The following FHIT variants were observed in gnomAD, a reference collection of about 807,000 sequenced individuals.
FHIT encodes fragile histidine triad diadenosine triphosphatase, also known as bis(5'-adenosyl)-triphosphatase.
In FHIT, 19 loss-of-function variants were observed where a neutral mutation model predicts 17.9. The ratio of observed to expected loss-of-function variants is 1.06; its 90% CI spans 0.74 to 1.56. FHIT has a LOEUF of 1.56. FHIT is among the 40% of genes most tolerant of loss of function. The probability of loss-of-function intolerance (pLI) is 0.00; values close to 1 mark genes in which losing one functional copy is unlikely to be tolerated. For synonymous variants in FHIT, 81 were observed against 69.7 expected, an observed-to-expected ratio of 1.16 and a Z score of -0.81; for missense variants, 248 against 189.2, an observed-to-expected ratio of 1.31 and a Z score of -1.82.
At chr3:61,112,707 C>T (rs893741843) in intron 2 of FHIT, among the ~76,000 whole-genome samples, 8 of 152,078 alleles carry the variant, frequency 5.3e-5, no homozygotes, top group Admixed American at 2.0e-4. Context: ...CTATGCATAG[C>T]GCTTTATATT....
At chr3:61,055,932 G>A (rs1428698710) in intron 2 of FHIT, among the ~76,000 whole-genome samples, 2 of 152,134 alleles carry the variant, frequency 1.3e-5, no homozygotes, top group Non-Finnish European at 2.9e-5. Context: ...TCACATCAGG[G>A]TACGGTCTCC....
At chr3:60,283,650 C>T (rs898759612) in intron 5 of FHIT, among the ~76,000 whole-genome samples, 81 of 152,134 alleles carry the variant, frequency 5.3e-4, no homozygotes, top group African/African-American at 1.8e-3. Flanking sequence ...AGTCTGCATC[C>T]TGTCAGTATT....
At chr3:60,175,523 G>C (rs1408322755) in intron 5 of FHIT, among the ~76,000 whole-genome samples, 1 of 152,118 alleles carries the variant, frequency 6.6e-6, no homozygotes, top group African/African-American at 2.4e-5. Flanking sequence ...AAAAAGAAAA[G>C]ACTAAATTAT....
intron 2 of FHIT, among the ~76,000 whole-genome samples, chr3:61,043,343 G>A (rs2033620024): frequency 6.6e-6 from 1 of 151,888 alleles, no homozygotes; most frequent in Admixed American, 6.5e-5. Flanking sequence ...GCCTAGCTCG[G>A]AGGGTCCCAC....
In FHIT at chr3:60,762,811, G is replaced by A. The variant is rs773038269; in HGVS notation, c.-18+59108C>T. On this transcript the variant is annotated intron_variant, in intron 4 of 9. Transcript: ENST00000492590. The stretch of plus-strand genomic sequence containing the variant: ...AAAGAGTAGCATCCCCCAGGGAAGA[G>A]GGAATTTTGCCAGCAGTCTGCTTTT... 2.0e-4 allele frequency among the ~76,000 whole-genome samples: 31 copies of A among 152,170 alleles called. 1 individual carries two copies. The highest frequency in any genetic ancestry group is 5.9e-4 in the Admixed American group (9 of 15,272).
At chr3:60,835,549 T>G (rs1296532534) in intron 3 of FHIT, among the ~76,000 whole-genome samples, 3 of 152,180 alleles carry the variant, frequency 2.0e-5, no homozygotes, top group Non-Finnish European at 4.4e-5. Context: ...GAAATACAAT[T>G]GATAATTTAA....
chr3:60,351,045 A>G (rs1711058284), intron 5 of FHIT, among the ~76,000 whole-genome samples: 1 of 152,078 alleles, frequency 6.6e-6, no homozygotes, highest in African/African-American at 2.4e-5. Context: ...CCACAGCCCC[A>G]GCCAAAAGCT....
chr3:59,929,771 A>G (rs1473131764), intron 7 of FHIT, among the ~76,000 whole-genome samples: 2 of 152,182 alleles, frequency 1.3e-5, no homozygotes, highest in Non-Finnish European at 2.9e-5. Flanking sequence ...AGAAAAACAC[A>G]TAGGAGAAAA....
At chr3:60,876,740 C>T (rs565827772) in intron 3 of FHIT, among the ~76,000 whole-genome samples, 1 of 152,296 alleles carries the variant, frequency 6.6e-6, no homozygotes, top group East Asian at 1.9e-4. Flanking sequence ...CAAGATGGCT[C>T]ACTAGAAACT....
chr3:61,237,872 G>A (rs1298195458), intron 1 of FHIT, among the ~76,000 whole-genome samples: 4 of 152,144 alleles, frequency 2.6e-5, no homozygotes, highest in South Asian at 4.1e-4. Flanking sequence ...CAGATAATGG[G>A]CTCTTATTTA....
At chr3:60,207,080 A>C (rs1218355679) in intron 5 of FHIT, among the ~76,000 whole-genome samples, 1 of 152,082 alleles carries the variant, frequency 6.6e-6, no homozygotes, top group Non-Finnish European at 1.5e-5. Flanking sequence ...AAAAAGTCTC[A>C]GAACACTCCT....
chr3:60,210,433 A>C (rs1451149667), intron 5 of FHIT, among the ~76,000 whole-genome samples: 5 of 152,222 alleles, frequency 3.3e-5, no homozygotes, highest in African/African-American at 1.2e-4. Flanking sequence ...CAAAGTAATA[A>C]GGAAAAACAT....
At chr3:59,982,386 A>T (rs1291070899) in intron 7 of FHIT, among the ~76,000 whole-genome samples, 1 of 152,148 alleles carries the variant, frequency 6.6e-6, no homozygotes, top group African/African-American at 2.4e-5. Context: ...AAAAAAATTA[A>T]TTTGTGGTTT....
At chr3:60,716,889 A>G (rs948134728) in intron 4 of FHIT, among the ~76,000 whole-genome samples, 1 of 152,184 alleles carries the variant, frequency 6.6e-6, no homozygotes, top group African/African-American at 2.4e-5. Flanking sequence ...GACCACCCTC[A>G]TATCTGCAGT....
At chr3:60,410,565 C>T (rs1329917466) in intron 5 of FHIT, among the ~76,000 whole-genome samples, 2 of 152,062 alleles carry the variant, frequency 1.3e-5, no homozygotes, top group Non-Finnish European at 2.9e-5. Flanking sequence ...AAGTAATTAG[C>T]ATAAGCAAAT....
intron 2 of FHIT, among the ~76,000 whole-genome samples, chr3:61,092,176 G>A (rs1204798430): frequency 6.6e-6 from 1 of 151,988 alleles, no homozygotes; most frequent in Non-Finnish European, 1.5e-5. Context: ...TGCTTGGCCT[G>A]GGGAAGGCAA....
intron 4 of FHIT, among the ~76,000 whole-genome samples, chr3:60,672,904 T>TGTGTGTGTGTGTGTGTGC (rs1159104600): frequency 1.3e-5 from 2 of 151,350 alleles, no homozygotes; most frequent in Admixed American, 6.6e-5. Flanking sequence ...TGTGTGTGTG[T>TGTGTGTGTGTGTGTGTGC]GTGCATGCAT....
intron 2 of FHIT, among the ~76,000 whole-genome samples, chr3:61,059,978 TAGTG>T (rs2034367517): frequency 6.6e-6 from 1 of 152,040 alleles, no homozygotes; most frequent in Non-Finnish European, 1.5e-5. Context: ...GTCCCCATCT[TAGTG>T]AGTATGAGTG....
chr3:60,758,134 C>T (rs1178921115), intron 4 of FHIT, among the ~76,000 whole-genome samples: 4 of 152,130 alleles, frequency 2.6e-5, no homozygotes, highest in Non-Finnish European at 4.4e-5. Context: ...TGGTTGTATC[C>T]CACCACCCAG....
Sources: gnomAD v4.1 joint callset for allele counts (sites outside exome capture counted in the v4.1 genomes callset) on GRCh38, gnomAD v4.1.1 for gene constraint, MANE v1.5 for transcripts, NCBI Gene and HGNC (gene_info 2026-07-23, HGNC 2026-07-21) for gene names.